RAPGEF1: variants seen among roughly 807,000 people sequenced by gnomAD.
RAPGEF1 encodes the protein Rap guanine nucleotide exchange factor 1, also known as CRK SH3-binding GNRP.
RAPGEF1 carries 33 observed loss-of-function variants against 143.3 expected under a neutral mutation model. The ratio of observed to expected loss-of-function variants is 0.23; its 90% CI spans 0.17 to 0.31. RAPGEF1 has a LOEUF of 0.31. Ranked by LOEUF, RAPGEF1 falls within the 10% of genes least tolerant of loss-of-function variation. The pLI is 1.00. For missense variants in RAPGEF1, 1,199 were observed against 1,645.4 expected (o/e 0.73, Z 4.69); for synonymous variants, 629 against 676.5 (o/e 0.93, Z 1.09).
At chr9:131,647,285 A>C (rs1969913822) in intron 3 of RAPGEF1, among the ~76,000 whole-genome samples, 1 of 152,240 alleles carries the variant, frequency 6.6e-6, no homozygotes, top group Non-Finnish European at 1.5e-5. Flanking sequence ...TTGATCAAGA[A>C]AATGTGCACC....
At chr9:131,592,459 T>C (rs974949713) in intron 17 of RAPGEF1, among the ~76,000 whole-genome samples, 1 of 152,168 alleles carries the variant, frequency 6.6e-6, no homozygotes, top group African/African-American at 2.4e-5. Context: ...TTTCTACCGA[T>C]GATGGTGCTG....
chr9:131,659,230 A>T (rs1220633542), intron 1 of RAPGEF1, among the ~76,000 whole-genome samples: 1 of 152,332 alleles, frequency 6.6e-6, no homozygotes, highest in African/African-American at 2.4e-5. Flanking sequence ...CCAATTTTTT[A>T]AAAGTCTTTT....
At chr9:131,617,108 T>C (rs894421954) in intron 12 of RAPGEF1, among the ~76,000 whole-genome samples, 1 of 152,172 alleles carries the variant, frequency 6.6e-6, no homozygotes, top group African/African-American at 2.4e-5. Context: ...CGAATTTAAT[T>C]TTGTAGCGAA....
chr9:131,628,681 G>C lies in RAPGEF1; in HGVS notation c.894-9C>G. On this transcript the variant is annotated splice_polypyrimidine_tract_variant and intron_variant, in intron 7 of 26. Transcript: ENST00000683357. This position sits in a 1 kb window ranked among gnomAD's most constrained non-coding sequence, Gnocchi z 5.7. ...GCAATGCTGGTGGAGGACTGAAACA[G>C]ACCGAAACGTCCAGGCAGACCAAAC... 6.3e-7 allele frequency: 1 copy of C among 1,594,304 alleles called. No homozygotes were observed. The highest frequency in any genetic ancestry group is 8.6e-7 in the Non-Finnish European group (1 of 1,166,114).
chr9:131,615,575 C>T (rs938912074), intron 12 of RAPGEF1, among the ~76,000 whole-genome samples: 5 of 152,268 alleles, frequency 3.3e-5, no homozygotes, highest in South Asian at 2.1e-4. Flanking sequence ...GCAGAGCCTG[C>T]GGATGGGGAG....
At chr9:131,617,802 TG>T (rs1165124545) in intron 12 of RAPGEF1, among the ~76,000 whole-genome samples, 1 of 152,294 alleles carries the variant, frequency 6.6e-6, no homozygotes, top group Admixed American at 6.5e-5. Flanking sequence ...CGGGGGGCCA[TG>T]GGGGGAGAAT....
chr9:131,604,097 T>C (rs2132502918), intron 13 of RAPGEF1, 44 bp from the exon 14 acceptor site: 1 of 1,219,896 alleles, frequency 8.2e-7, no homozygotes, highest in African/African-American at 1.6e-5. Context: ...GGCCAGGCCC[T>C]CCAGCCGGCC....
intron 16 of RAPGEF1, 132 bp from the exon 17 acceptor site, chr9:131,596,505 C>G: frequency 2.2e-6 from 2 of 895,242 alleles, no homozygotes; most frequent in Non-Finnish European, 1.8e-6. Flanking sequence ...CTGTGCTCCT[C>G]GGCCCAGGAG....
chr9:131,587,111 C>T (rs1460955168), intron 22 of RAPGEF1, among the ~76,000 whole-genome samples: 2 of 130,890 alleles, frequency 1.5e-5, no homozygotes, highest in Non-Finnish European at 3.3e-5. Context: ...GTCTTACACA[C>T]ACACCTGCAG....
At position 131,737,459 on chromosome 9, in the gene RAPGEF1, T is replaced by C. The variant is rs779625183; in HGVS notation, c.61+2311A>G. The C allele has an allele frequency of 3.7e-6, 6 of 1,613,750 alleles. No individual in the cohort carries two copies. The African/African-American group carries it at 8.0e-5, about 22-fold the overall frequency. On this transcript the variant is annotated intron_variant, in intron 1 of 26. Transcript: ENST00000683357. ...CTGGCAGCCTGGGTAGCTTAGAAAC[T>C]GTGCTAGGTTAGACAAGCTTCTCTG...
chr9:131,728,367 C>T (rs1836809800), intron 1 of RAPGEF1, among the ~76,000 whole-genome samples: 2 of 152,306 alleles, frequency 1.3e-5, no homozygotes, highest in South Asian at 4.1e-4. Context: ...CCCCGAAAGT[C>T]ACCCCGCAAG....
At chr9:131,683,371 AT>A (rs1833076402) in intron 1 of RAPGEF1, among the ~76,000 whole-genome samples, 2 of 152,290 alleles carry the variant, frequency 1.3e-5, no homozygotes, top group South Asian at 4.1e-4. Context: ...TTCCTCCAAC[AT>A]TTTCCCCTTG....
At position 131,687,976 on chromosome 9, in the gene RAPGEF1, T is replaced by C. The variant is rs1320820411; in HGVS notation, c.62-37027A>G. Among the ~76,000 whole-genome samples, 8 of 152,188 alleles carry C rather than the reference T, an allele frequency of 5.3e-5. No homozygotes were observed. The South Asian group carries it at 1.4e-3, about 28-fold the overall frequency. On this transcript the variant is annotated intron_variant, in intron 1 of 26. Transcript: ENST00000683357. ...AGCATAGCAATTCTTCTGTAAATCA[T>C]GTGAGTTGCTCATGGATGGAGGCTT...
chr9:131,627,891 C>A, intron 9 of RAPGEF1, 22 bp downstream of exon 9: 1 of 1,568,552 alleles, frequency 6.4e-7, no homozygotes. Flanking sequence ...CACGATGGAA[C>A]AGGAGGATGG....
At chr9:131,715,207 T>C (rs1450210811) in intron 1 of RAPGEF1, among the ~76,000 whole-genome samples, 2 of 152,066 alleles carry the variant, frequency 1.3e-5, no homozygotes, top group East Asian at 1.9e-4. Context: ...AACACGGAGC[T>C]TGGGGAGGGT....
chr9:131,723,441 T>C (rs1836415977), intron 1 of RAPGEF1, among the ~76,000 whole-genome samples: 2 of 152,184 alleles, frequency 1.3e-5, no homozygotes, highest in Non-Finnish European at 2.9e-5. Context: ...TCCTCCCTCC[T>C]TCCAGCCCCT....
At chr9:131,693,945 T>TTCTC (rs368109010) in intron 1 of RAPGEF1, among the ~76,000 whole-genome samples, 17 of 149,908 alleles carry the variant, frequency 1.1e-4, no homozygotes, top group East Asian at 3.9e-4. Flanking sequence ...CTCAATCAGT[T>TTCTC]TCTCTCTCTC....
In RAPGEF1 at chr9:131,582,719, G is replaced by C; in HGVS notation, c.3415-17C>G. 1 of 1,550,514 alleles carries C rather than the reference G, an allele frequency of 6.4e-7. No homozygotes were observed. On this transcript the variant is annotated splice_polypyrimidine_tract_variant and intron_variant, in intron 24 of 26. Coordinates refer to ENST00000683357, the MANE Select transcript of RAPGEF1 (RefSeq NM_001377935.1). Reference sequence around the variant, plus strand: ...GGCCAGGCCCTGGCAGGACAGGACAGGACAGGACCGGACAGGGGTGAGCGA... The same window carrying C: ...GGCCAGGCCCTGGCAGGACAGGACACGACAGGACCGGACAGGGGTGAGCGA...
chr9:131,579,985 A>C (rs992588740), intron 26 of RAPGEF1, among the ~76,000 whole-genome samples: 1 of 152,184 alleles, frequency 6.6e-6, no homozygotes, highest in African/African-American at 2.4e-5. Flanking sequence ...GGCCCTTCTC[A>C]CAGCAAGGTG....
Sources: allele counts gnomAD v4.1 joint callset (sites outside exome capture counted in the v4.1 genomes callset), GRCh38; gene constraint gnomAD v4.1.1; non-coding constraint Gnocchi (gnomAD v3.1); transcripts MANE v1.5; gene names NCBI Gene and HGNC (gene_info 2026-07-23, HGNC 2026-07-21).